The following BMPR2 variants were observed in gnomAD, a reference collection of about 807,000 sequenced individuals.
BMPR2 encodes bone morphogenetic protein receptor type-2.
Under a neutral mutation model 100.8 loss-of-function variants are expected in BMPR2, and 29 were observed. That is an observed-to-expected ratio of 0.29 (90% CI 0.21 to 0.39). The LOEUF (loss-of-function observed/expected upper bound fraction) is 0.39, where lower values mean the gene tolerates loss of function less well. BMPR2 is among the 10% of genes least tolerant of loss of function. The probability of loss-of-function intolerance (pLI) is 1.00; values close to 1 mark genes in which losing one functional copy is unlikely to be tolerated. For synonymous variants in BMPR2, 382 were observed against 442.3 expected (o/e 0.86, Z 1.71); for missense variants, 1,011 against 1,274.5 (o/e 0.79, Z 3.15).
At chr2:202,446,903 A>T (rs1305194598) in intron 1 of BMPR2, among the ~76,000 whole-genome samples, 1 of 147,856 alleles carries the variant, frequency 6.8e-6, no homozygotes, top group African/African-American at 2.6e-5. Context: ...ACTCACTGCG[A>T]CCTCCCAAAG....
At chr2:202,536,337 C>T (rs535345316) in intron 9 of BMPR2, among the ~76,000 whole-genome samples, 35 of 152,094 alleles carry the variant, frequency 2.3e-4, no homozygotes, top group African/African-American at 7.9e-4. Context: ...TGGTCTCAAA[C>T]TCCTGGGCTC....
At chr2:202,469,029 T>G (rs1248814775) in intron 3 of BMPR2, among the ~76,000 whole-genome samples, 2 of 152,024 alleles carry the variant, frequency 1.3e-5, no homozygotes, top group African/African-American at 2.4e-5. Context: ...TTTTTGGTTT[T>G]GTTTTGTTTT....
chr2:202,493,208 C>G (rs957060173), intron 3 of BMPR2, among the ~76,000 whole-genome samples: 2 of 152,080 alleles, frequency 1.3e-5, no homozygotes, highest in Non-Finnish European at 2.9e-5. Context: ...ATTATAGTGA[C>G]TAGGTTTCCA....
chr2:202,429,324 C>T (rs1691455801), intron 1 of BMPR2, among the ~76,000 whole-genome samples: 1 of 132,878 alleles, frequency 7.5e-6, no homozygotes, highest in Non-Finnish European at 1.6e-5. Context: ...CATCTGGTTC[C>T]TGCTTACATT....
intron 1 of BMPR2, among the ~76,000 whole-genome samples, chr2:202,382,404 T>G (rs1229168530): frequency 3.3e-5 from 5 of 152,034 alleles, no homozygotes; most frequent in Non-Finnish European, 7.4e-5. Context: ...TTGGCCAGGC[T>G]GGTCTCAAAC....
intron 7 of BMPR2, among the ~76,000 whole-genome samples, chr2:202,528,933 A>T (rs1290624909): frequency 6.6e-6 from 1 of 152,198 alleles, no homozygotes; most frequent in African/African-American, 2.4e-5. Flanking sequence ...TGGAGTAGAA[A>T]TTTGGTAGTA....
intron 7 of BMPR2, among the ~76,000 whole-genome samples, chr2:202,521,403 CA>C (rs1417730352): frequency 6.6e-6 from 1 of 151,954 alleles, no homozygotes; most frequent in Non-Finnish European, 1.5e-5. Flanking sequence ...CCTGTCTCTA[CA>C]AAAAATATAA....
chr2:202,490,935 T>C (rs184559770), intron 3 of BMPR2, among the ~76,000 whole-genome samples: 202 of 152,280 alleles, frequency 1.3e-3, no homozygotes, highest in Non-Finnish European at 2.3e-3. Context: ...GTTTTGTTTT[T>C]TGTTTTTTGT....
intron 12 of BMPR2, 140 bp downstream of exon 12, chr2:202,556,671 G>A: frequency 8.9e-7 from 1 of 1,124,328 alleles, no homozygotes; most frequent in Non-Finnish European, 1.3e-6. Flanking sequence ...TTGAGGCGGG[G>A]CACAGTGGCT....
rs942517432 is a variant in BMPR2 at position 202,495,144 on chromosome 2, A to G, written c.419-18575A>G. Among the ~76,000 whole-genome samples, 5 of 152,198 alleles carry G rather than the reference A, an allele frequency of 3.3e-5. No homozygotes were observed. Among genetic ancestry groups the G allele is most frequent in the African/African-American group, 9.7e-5 (4 of 41,448 alleles). On this transcript the variant is annotated intron_variant, in intron 3 of 12. Coordinates refer to ENST00000374580, the MANE Select transcript of BMPR2 (RefSeq NM_001204.7). This position sits in a 1 kb window ranked among gnomAD's most constrained non-coding sequence, Gnocchi z 4.5. ...TCTATAGGCGGCTTGTGTTAGCTCA[A>G]TTAGACCCCCTTCCTTATCACAAGG...
At chr2:202,416,270 T>TA (rs1691122613) in intron 1 of BMPR2, among the ~76,000 whole-genome samples, 1 of 151,966 alleles carries the variant, frequency 6.6e-6, no homozygotes, top group South Asian at 2.1e-4. Context: ...GAGTTGCTTT[T>TA]TTTTTTTTCT....
intron 1 of BMPR2, among the ~76,000 whole-genome samples, chr2:202,420,155 C>T (rs1441735299): frequency 6.6e-6 from 1 of 151,706 alleles, no homozygotes; most frequent in Admixed American, 6.6e-5. Flanking sequence ...TTGCTTATTG[C>T]TTATAATAAT....
intron 10 of BMPR2, among the ~76,000 whole-genome samples, chr2:202,542,929 C>G: frequency 6.6e-6 from 1 of 151,916 alleles, no homozygotes; most frequent in East Asian, 1.9e-4. Context: ...GTAATCCCAG[C>G]ACTTTGGGAG....
intron 1 of BMPR2, among the ~76,000 whole-genome samples, chr2:202,427,654 G>A (rs927117227): frequency 5.3e-5 from 8 of 152,056 alleles, no homozygotes; most frequent in Middle Eastern, 6.8e-3. Context: ...GTTAAGAATT[G>A]TATTATGCCT....
intron 11 of BMPR2, among the ~76,000 whole-genome samples, chr2:202,554,817 G>A (rs1688534473): frequency 6.6e-6 from 1 of 152,124 alleles, no homozygotes; most frequent in Non-Finnish European, 1.5e-5. Context: ...GAACTTAATT[G>A]ATAACATACC....
chr2:202,408,696 A>C (rs1690950696), intron 1 of BMPR2, among the ~76,000 whole-genome samples: 1 of 152,242 alleles, frequency 6.6e-6, no homozygotes, highest in Non-Finnish European at 1.5e-5. Flanking sequence ...CACTGTAATC[A>C]GTCTTCTATC....
chr2:202,456,492 A>G (rs1692109572), intron 1 of BMPR2, among the ~76,000 whole-genome samples: 1 of 145,676 alleles, frequency 6.9e-6, no homozygotes, highest in African/African-American at 2.5e-5. Flanking sequence ...GGTTCTATTT[A>G]TGTAGCACTT....
chr2:202,494,959 G>A lies in BMPR2; in HGVS notation c.419-18760G>A, dbSNP rs548154126. Among the ~76,000 whole-genome samples, 26 of 152,308 alleles carry A rather than the reference G, an allele frequency of 1.7e-4. No homozygotes were observed. The East Asian group carries it at 3.7e-3, about 21-fold the overall frequency. ...CCTGACAGGGTGCGTGATGCGGGGT[G>A]TGGCTCACTTCTTAAGTGCCCCGCT... is the stretch of plus-strand genomic sequence containing the variant. On this transcript the variant is annotated intron_variant, in intron 3 of 12. Coordinates refer to ENST00000374580, the MANE Select transcript of BMPR2 (RefSeq NM_001204.7).
chr2:202,435,468 A>G (rs1691598772), intron 1 of BMPR2, among the ~76,000 whole-genome samples: 1 of 146,850 alleles, frequency 6.8e-6, no homozygotes, highest in African/African-American at 2.6e-5. Context: ...TTATAAGAGT[A>G]AAAATGTTAA....
Sources: gnomAD v4.1 joint callset for allele counts (sites outside exome capture counted in the v4.1 genomes callset) on GRCh38, gnomAD v4.1.1 for gene constraint, Gnocchi (gnomAD v3.1) non-coding constraint, MANE v1.5 for transcripts, NCBI Gene and HGNC (gene_info 2026-07-23, HGNC 2026-07-21) for gene names.